The following ATRNL1 variants were observed in gnomAD, a reference collection of about 807,000 sequenced individuals.
ATRNL1 encodes the protein attractin-like protein 1.
Under a neutral mutation model 182.7 loss-of-function variants are expected in ATRNL1, and 95 were observed. That is an observed-to-expected ratio of 0.52 (90% CI 0.44 to 0.62). The LOEUF (loss-of-function observed/expected upper bound fraction) is 0.62. Among genes scored for constraint, ATRNL1 ranks in the 20% least tolerant of loss-of-function variants. The pLI is 0.00. For synonymous variants in ATRNL1, 576 were observed against 568.3 expected, an observed-to-expected ratio of 1.01 and a Z score of -0.19; for missense variants, 1,471 against 1,679.5, an observed-to-expected ratio of 0.88 and a Z score of 2.17.
At chr10:115,378,011 C>T (rs1353883437) in intron 19 of ATRNL1, among the ~76,000 whole-genome samples, 9 of 152,082 alleles carry the variant, frequency 5.9e-5, no homozygotes, top group Admixed American at 5.9e-4. Flanking sequence ...AGGGCTGCCA[C>T]TGGATTTCTG....
At chr10:115,372,276 A>G (rs2134201024) in intron 19 of ATRNL1, among the ~76,000 whole-genome samples, 1 of 152,282 alleles carries the variant, frequency 6.6e-6, no homozygotes, top group East Asian at 1.9e-4. Context: ...CCCCTCATCC[A>G]GGTATATGAT....
At chr10:115,731,539 A>G (rs1947797627) in intron 27 of ATRNL1, among the ~76,000 whole-genome samples, 1 of 151,636 alleles carries the variant, frequency 6.6e-6, no homozygotes, top group Admixed American at 6.6e-5. Context: ...TCGTTTAGGA[A>G]AGGCCTTTAT....
intron 24 of ATRNL1, among the ~76,000 whole-genome samples, chr10:115,481,081 G>T (rs146027726): frequency 8.3e-4 from 125 of 150,306 alleles, no homozygotes; most frequent in African/African-American, 3.0e-3. Context: ...ATTTTAATGC[G>T]GTTTTGTTAA....
rs563161026 is a variant in ATRNL1, at chr10:115,535,785, C to T, written c.3717-13673C>T. ...TGATGGTGATGTACAGATGGGTTTT[C>T]GGTGTGGATGTCCTTTCTGTTTGTT... On this transcript the variant is annotated intron_variant, in intron 25 of 28. Transcript: ENST00000355044. 3.5e-4 allele frequency among the ~76,000 whole-genome samples: 53 copies of T among 152,170 alleles called. 1 individual carries two copies. Among genetic ancestry groups the T allele is most frequent in the South Asian group, 8.3e-4 (4 of 4,812 alleles).
At position 115,171,270 on chromosome 10, in the gene ATRNL1, C is replaced by A. The variant is rs868917301; in HGVS notation, c.1326C>A (p.Ser442Arg). 2 of 1,602,434 alleles carry A rather than the reference C, an allele frequency of 1.2e-6. No individual in the cohort carries two copies. Among genetic ancestry groups the A allele is most frequent in the South Asian group, 2.2e-5 (2 of 89,782 alleles). ...FGYSAIYGYT[S>R]SIQEYHISSN... Reference sequence around the variant, plus strand: ...ATTCTGCAATATATGGTTATACAAGCAGCATACAGGAATACCATATCTGTG... The same window carrying A: ...ATTCTGCAATATATGGTTATACAAGAAGCATACAGGAATACCATATCTGTG... The change falls in exon 8 of 29, where the codon AGC (serine) becomes AGA (arginine). Residue 442 changes from serine (S) to arginine (R), a missense_variant. Coordinates refer to ENST00000355044, the MANE Select transcript of ATRNL1 (RefSeq NM_207303.4).
intron 26 of ATRNL1, among the ~76,000 whole-genome samples, chr10:115,629,253 G>A (rs1254093659): frequency 1.3e-5 from 2 of 152,164 alleles, no homozygotes; most frequent in Non-Finnish European, 2.9e-5. Context: ...TCAAGGAAGA[G>A]CTTAATGTTT....
intron 26 of ATRNL1, among the ~76,000 whole-genome samples, chr10:115,607,592 G>A (rs2133957013): frequency 6.6e-6 from 1 of 151,916 alleles, no homozygotes; most frequent in East Asian, 1.9e-4. Context: ...TGAGCTCATT[G>A]TTGTTAGTAC....
Position 115,947,230 on chromosome 10 carries a change from C to T in ATRNL1, c.*2451C>T, listed in dbSNP as rs1463947268. ...ATCTGTTGGTTTTTCCCCCTACATT[C>T]CAGACACTTTAAATTTGGATGCTTT... On this transcript the variant is annotated 3_prime_UTR_variant, in exon 29 of 29. Coordinates refer to ENST00000355044, the MANE Select transcript of ATRNL1 (RefSeq NM_207303.4). 6.6e-6 allele frequency: 1 copy of T among 152,568 alleles called. No individual in the cohort carries two copies. Among genetic ancestry groups the T allele is most frequent in the African/African-American group, 2.4e-5 (1 of 41,446 alleles). 9.5% of individuals were successfully genotyped at this position (152,568 alleles called of 1,614,324 possible). A position where few individuals can be genotyped will look rare whatever the true frequency, so the allele number is the denominator to read the frequency against.
At chr10:115,202,650 A>G (rs1397990915) in intron 8 of ATRNL1, among the ~76,000 whole-genome samples, 2 of 145,604 alleles carry the variant, frequency 1.4e-5, no homozygotes, top group South Asian at 2.2e-4. Flanking sequence ...TTTATTGAGG[A>G]TTTTTGCATC....
chr10:115,186,202 A>G (rs528267728), intron 8 of ATRNL1, among the ~76,000 whole-genome samples: 1 of 152,238 alleles, frequency 6.6e-6, no homozygotes, highest in African/African-American at 2.4e-5. Context: ...AGACATACAA[A>G]TGATGAGAAA....
Position 115,334,397 on chromosome 10 carries a change from A to G in ATRNL1, c.3153A>G (p.Pro1051=), listed in dbSNP as rs782175013. Residue 1051 remains proline (P), a synonymous_variant, in exon 19 of 29, where the codon CCA becomes CCG. Coordinates refer to ENST00000355044, the MANE Select transcript of ATRNL1 (RefSeq NM_207303.4). ...GTATGCCAGGTTATTATGGAGATCC[A>G]ACCAATGGTGGACAGTGCACAGGTA... ...QDCMPGYYGD[P]TNGGQCTACT... is the part of the protein sequence containing the mutation. 1.7e-5 allele frequency: 28 copies of G among 1,602,434 alleles called. No homozygotes were observed. Among genetic ancestry groups the G allele is most frequent in the Non-Finnish European group, 2.4e-5 (28 of 1,172,318 alleles).
chr10:115,256,914 T>C (rs1370726996), intron 10 of ATRNL1, among the ~76,000 whole-genome samples: 2 of 152,230 alleles, frequency 1.3e-5, no homozygotes, highest in African/African-American at 4.8e-5. Context: ...CAGGAGCAAG[T>C]TCAGTTTCCA....
chr10:115,629,535 A>G (rs1555025735), intron 26 of ATRNL1, among the ~76,000 whole-genome samples: 1 of 152,164 alleles, frequency 6.6e-6, no homozygotes, highest in East Asian at 1.9e-4. Flanking sequence ...TATTGCTCTT[A>G]AGAGAAAGTA....
chr10:115,343,608 G>T (rs980026751), intron 19 of ATRNL1, among the ~76,000 whole-genome samples: 3 of 152,120 alleles, frequency 2.0e-5, no homozygotes, highest in Non-Finnish European at 4.4e-5. Context: ...ACATATCTCT[G>T]TTTCTCCAGG....
At chr10:115,629,692 C>A (rs1225769006) in intron 26 of ATRNL1, among the ~76,000 whole-genome samples, 2 of 152,124 alleles carry the variant, frequency 1.3e-5, no homozygotes, top group African/African-American at 4.8e-5. Context: ...TTAGTTGAAC[C>A]AACTCGGAAT....
chr10:115,902,248 A>T (rs1430477101), intron 28 of ATRNL1, among the ~76,000 whole-genome samples: 1 of 152,114 alleles, frequency 6.6e-6, no homozygotes, highest in Non-Finnish European at 1.5e-5. Flanking sequence ...TAGTAACATC[A>T]TCTTCCTAAA....
chr10:115,163,737 A>G (rs1344029550), intron 6 of ATRNL1, among the ~76,000 whole-genome samples: 2 of 152,190 alleles, frequency 1.3e-5, no homozygotes, highest in Admixed American at 1.3e-4. Context: ...ACAAAGCCTA[A>G]AATATTTACT....
intron 21 of ATRNL1, among the ~76,000 whole-genome samples, chr10:115,446,970 C>T (rs1554966806): frequency 6.6e-6 from 1 of 151,868 alleles, no homozygotes; most frequent in Non-Finnish European, 1.5e-5. Context: ...GTTCTAACCT[C>T]TGGGCTCAGT....
chr10:115,307,384 T>C (rs1853787293), intron 17 of ATRNL1, among the ~76,000 whole-genome samples: 1 of 152,182 alleles, frequency 6.6e-6, no homozygotes, highest in African/African-American at 2.4e-5. Flanking sequence ...TGCTGCAGCC[T>C]CCTGAGTAGC....
Sources: gnomAD v4.1 joint callset for allele counts (sites outside exome capture counted in the v4.1 genomes callset) on GRCh38, gnomAD v4.1.1 for gene constraint, MANE v1.5 for transcripts, NCBI Gene and HGNC (gene_info 2026-07-23, HGNC 2026-07-21) for gene names.